KNTC1: variants seen among roughly 807,000 people sequenced by gnomAD.
The protein encoded by KNTC1 is kinetochore associated 1.
In KNTC1, 253 loss-of-function variants were observed where a neutral mutation model predicts 314.4. The observed-to-expected ratio is 0.80, with a 90% CI of 0.73 to 0.89. The LOEUF is 0.89. Among genes scored for constraint, KNTC1 ranks in the 40% least tolerant of loss-of-function variants. KNTC1 has a pLI of 0.00. For synonymous variants in KNTC1, 901 were observed against 901.4 expected (o/e 1.00, Z 0.01); for missense variants, 2,475 against 2,572.9 (o/e 0.96, Z 0.82).
At chr12:122,551,735 T>A in intron 16 of KNTC1, 39 bp downstream of exon 16, 1 of 1,447,886 alleles carries the variant, frequency 6.9e-7, no homozygotes, top group East Asian at 2.3e-5. Flanking sequence ...CAAACAAGCA[T>A]TTCGTCATGG....
intron 53 of KNTC1, among the ~76,000 whole-genome samples, chr12:122,612,561 G>A (rs1873281795): frequency 6.6e-6 from 1 of 151,762 alleles, no homozygotes; most frequent in Non-Finnish European, 1.5e-5. Context: ...TGGGATTACA[G>A]GCACGTGCTA....
Position 122,605,075 on chromosome 12 carries a change from A to G in KNTC1, c.5374A>G (p.Thr1792Ala). Residue 1792 changes from threonine (T) to alanine (A), a missense_variant, in exon 50 of 64, where the codon ACA (threonine) becomes GCA (alanine). By Grantham distance (58) the Thr-to-Ala change is moderately conservative (BLOSUM62 0). Coordinates refer to ENST00000333479, the MANE Select transcript of KNTC1 (RefSeq NM_014708.6). Reference protein sequence around the residue: ...INQRIQNSSGTDYPDIHAAAK... With the variant: ...INQRIQNSSGADYPDIHAAAK... ...TCAAAGAATTCAGAATTCATCTGGC[A>G]CAGATTATCCTGGTGAGGACAAAAC... 4 of 1,609,920 alleles carry G rather than the reference A, an allele frequency of 2.5e-6. No individual in the cohort carries two copies. The highest frequency in any genetic ancestry group is 3.4e-6 in the Non-Finnish European group (4 of 1,178,284).
chr12:122,579,923 T>A lies in KNTC1; in HGVS notation c.2860T>A (p.Ser954Thr). The change falls in exon 32 of 64, where the codon TCT becomes ACT. Residue 954 changes from serine to threonine, a missense_variant. Ser to Thr is a moderately conservative substitution (Grantham distance 58, BLOSUM62 1). Coordinates refer to ENST00000333479, the MANE Select transcript of KNTC1 (RefSeq NM_014708.6). ...HSKEGKAWRM[S>T]VAKTSVDILK... ...TTTTTAGGGCAAGGCCTGGAGAATG[T>A]CTGTAGCGAAGACATCCGTGGACAT... 1 of 1,610,630 alleles carries A rather than the reference T, an allele frequency of 6.2e-7. No individual in the cohort carries two copies. Among genetic ancestry groups the A allele is most frequent in the Non-Finnish European group, 8.5e-7 (1 of 1,177,172 alleles).
Position 122,621,944 on chromosome 12 carries a change from G to A in KNTC1, c.6343G>A (p.Gly2115Ser). Residue 2115 changes from glycine (G) to serine (S), a missense_variant, in exon 61 of 64, where the codon GGC (glycine) becomes AGC (serine). Transcript: ENST00000333479. ...GCAATTGGAAGAGCATATGAACACG[G>A]GCCAGCTAGCAGGATTTTCACATCA... ...LKQLEEHMNT[G>S]QLAGFSHQIR... is the part of the protein sequence containing the mutation. 6.2e-7 allele frequency: 1 copy of A among 1,608,664 alleles called. No homozygotes were observed. Among genetic ancestry groups the A allele is most frequent in the East Asian group, 2.2e-5 (1 of 44,816 alleles).
At chr12:122,573,320 G>C (rs1169824319) in intron 26 of KNTC1, 35 bp downstream of exon 26, 1 of 1,582,504 alleles carries the variant, frequency 6.3e-7, no homozygotes, top group East Asian at 2.2e-5. Flanking sequence ...TTATTTCTTG[G>C]ATCTATGCAG....
intron 36 of KNTC1, among the ~76,000 whole-genome samples, chr12:122,585,213 T>A (rs533556178): frequency 5.4e-4 from 82 of 150,914 alleles, no homozygotes; most frequent in East Asian, 4.6e-3. Context: ...TAAAAAAAAA[T>A]TTTTTTTTTG....
intron 59 of KNTC1, among the ~76,000 whole-genome samples, chr12:122,619,701 C>T (rs1259443471): frequency 2.0e-5 from 3 of 152,062 alleles, no homozygotes; most frequent in African/African-American, 4.8e-5. Flanking sequence ...CTTCAGCCAC[C>T]GCGCCCGGCC....
intron 53 of KNTC1, 63 bp from the exon 54 acceptor site, chr12:122,613,049 A>G: frequency 2.4e-6 from 2 of 835,926 alleles, no homozygotes; most frequent in Admixed American, 2.1e-5. Context: ...CCTATGTTGA[A>G]ACTCATTTAC....
chr12:122,528,566 A>C (rs1960994740), intron 1 of KNTC1, among the ~76,000 whole-genome samples: 1 of 152,178 alleles, frequency 6.6e-6, no homozygotes, highest in Non-Finnish European at 1.5e-5. Flanking sequence ...AGAAGTGAAA[A>C]ATAGAAAACT....
chr12:122,599,569 A>G (rs991998312), intron 44 of KNTC1, among the ~76,000 whole-genome samples: 2 of 151,996 alleles, frequency 1.3e-5, no homozygotes, highest in Non-Finnish European at 2.9e-5. Flanking sequence ...CAGGCTGGTC[A>G]TGAACTCCTG....
chr12:122,575,679 T>G, intron 28 of KNTC1, 33 bp downstream of exon 28: 1 of 1,512,904 alleles, frequency 6.6e-7, no homozygotes, highest in Non-Finnish European at 9.1e-7. Flanking sequence ...AATGTTGTTA[T>G]GCTCTGGAGA....
rs1870729649 is a variant in KNTC1, at chr12:122,594,284, T to C, written c.4254T>C (p.Phe1418=). Residue 1418 remains phenylalanine, a synonymous_variant, in exon 43 of 64, where the codon TTT becomes TTC. Transcript: ENST00000333479. ...GIRLGKLGIS[F]QPVFRQHFLT... ...TTTCTTTTTATTTCTAGATTTCTTT[T>C]CAACCAGTTTTCAGGCAACATTTTC... 1 of 1,592,518 alleles carries C rather than the reference T, an allele frequency of 6.3e-7. No homozygotes were observed. The highest frequency in any genetic ancestry group is 1.3e-5 in the African/African-American group (1 of 74,344).
In KNTC1 at chr12:122,613,204, CT is replaced by C; in HGVS notation, c.5718del (p.Phe1906LeufsTer8). The C allele has an allele frequency of 6.2e-7, 1 of 1,605,320 alleles. No homozygotes were observed. Among genetic ancestry groups the C allele is most frequent in the African/African-American group, 1.3e-5 (1 of 74,786 alleles). On this transcript the variant is annotated frameshift_variant, in exon 54 of 64. Coordinates refer to ENST00000333479, the MANE Select transcript of KNTC1 (RefSeq NM_014708.6). LOFTEE classifies it high-confidence loss of function. Reference protein sequence around the residue: ...LADKETIESLFKKPIEEVKSY... With the variant: ...LADKETIESLXKKPIEEVKSY... ...CTGACAAGGAAACTATAGAATCTCT[CT>C]TTAAAAAACCCATTGAAGAAGTGAA...
At chr12:122,528,623 T>TGG (rs1961003939) in intron 1 of KNTC1, among the ~76,000 whole-genome samples, 1 of 152,204 alleles carries the variant, frequency 6.6e-6, no homozygotes, top group African/African-American at 2.4e-5. Context: ...TTGGTATCCA[T>TGG]GGGAGATTGG....
At chr12:122,580,953 G>A (rs375534487) in intron 33 of KNTC1, among the ~76,000 whole-genome samples, 7 of 151,644 alleles carry the variant, frequency 4.6e-5, no homozygotes, top group African/African-American at 4.8e-5. Context: ...GCTTGAACCC[G>A]GGAGGCGGAG....
At chr12:122,534,543 A>C in intron 2 of KNTC1, 121 bp from the exon 3 acceptor site, 2 of 897,042 alleles carry the variant, frequency 2.2e-6, no homozygotes, top group East Asian at 2.7e-5. Flanking sequence ...AGAGGGGCTA[A>C]AGAAAAAAAG....
intron 60 of KNTC1, among the ~76,000 whole-genome samples, chr12:122,621,061 G>A (rs936748626): frequency 5.3e-5 from 8 of 152,164 alleles, no homozygotes; most frequent in Non-Finnish European, 1.0e-4. Context: ...ATAGGGTCTG[G>A]TAATGAACTT....
rs772367216 is a variant in KNTC1, at chr12:122,584,360, G to T, written c.3346G>T (p.Asp1116Tyr). The T allele has an allele frequency of 3.1e-6, 5 of 1,613,684 alleles. No homozygotes were observed. The South Asian group carries it at 5.5e-5, about 18-fold the overall frequency. The part of the protein sequence containing the change: ...TCQKLCQMLA[D>Y]NVPVTVPVGL... ...TCAGAAGCTTTGTCAGATGTTGGCT[G>T]ATAATGTCCCAGTGACAGTGCCTGT... Residue 1116 changes from aspartate to tyrosine, a missense_variant, in exon 35 of 64, where the codon GAT (aspartate) becomes TAT (tyrosine). Physicochemically the swap from Asp to Tyr is radical, Grantham distance 160 (BLOSUM62 -3). Coordinates refer to ENST00000333479, the MANE Select transcript of KNTC1 (RefSeq NM_014708.6).
intron 49 of KNTC1, 43 bp downstream of exon 49, chr12:122,604,680 T>G: frequency 7.1e-7 from 1 of 1,400,164 alleles, no homozygotes. Context: ...TTCTTCCTAA[T>G]TAAATTGTAC....
Sources: allele counts gnomAD v4.1 joint callset (sites outside exome capture counted in the v4.1 genomes callset), GRCh38; gene constraint gnomAD v4.1.1; transcripts MANE v1.5; gene names NCBI Gene and HGNC (gene_info 2026-07-23, HGNC 2026-07-21).